ZRANB3: variants seen among roughly 807,000 people sequenced by gnomAD.
ZRANB3 encodes the protein DNA annealing helicase and endonuclease ZRANB3.
In ZRANB3, 125 loss-of-function variants were observed where a neutral mutation model predicts 133.8. The ratio of observed to expected loss-of-function variants is 0.93; its 90% CI spans 0.81 to 1.08. ZRANB3 has a LOEUF of 1.08. Among genes scored for constraint, ZRANB3 ranks in the 50% least tolerant of loss-of-function variants. The probability of loss-of-function intolerance (pLI) is 0.00; values close to 1 mark genes in which losing one functional copy is unlikely to be tolerated. For missense variants in ZRANB3, 1,229 were observed against 1,275.5 expected (o/e 0.96, Z 0.56); for synonymous variants, 387 against 432.7 (o/e 0.89, Z 1.31).
At chr2:135,301,071 C>T (rs1337678120) in intron 8 of ZRANB3, among the ~76,000 whole-genome samples, 1 of 152,126 alleles carries the variant, frequency 6.6e-6, no homozygotes, top group Admixed American at 6.6e-5. Context: ...AATGCAGTGG[C>T]ACGATCGTGG....
chr2:135,265,316 G>A (rs1299843076), intron 12 of ZRANB3, among the ~76,000 whole-genome samples: 1 of 151,986 alleles, frequency 6.6e-6, no homozygotes, highest in Non-Finnish European at 1.5e-5. Context: ...TTTGAACTCT[G>A]AATTTTATTC....
intron 6 of ZRANB3, among the ~76,000 whole-genome samples, chr2:135,322,177 G>C (rs1183707144): frequency 6.6e-6 from 1 of 152,050 alleles, no homozygotes; most frequent in Non-Finnish European, 1.5e-5. Flanking sequence ...AAAATCAATT[G>C]ATCACATATA....
At chr2:135,444,547 C>G (rs1689931764) in intron 2 of ZRANB3, among the ~76,000 whole-genome samples, 1 of 151,906 alleles carries the variant, frequency 6.6e-6, no homozygotes, top group African/African-American at 2.4e-5. Context: ...AAATAGGAAC[C>G]CCCCAAAAAA....
intron 2 of ZRANB3, among the ~76,000 whole-genome samples, chr2:135,442,077 A>G (rs1689805435): frequency 6.6e-6 from 1 of 152,230 alleles, no homozygotes; most frequent in African/African-American, 2.4e-5. Context: ...TATAAGACCT[A>G]AAACCATAAA....
chr2:135,253,440 T>C (rs762740598), intron 12 of ZRANB3, among the ~76,000 whole-genome samples: 6 of 152,144 alleles, frequency 3.9e-5, no homozygotes, highest in Non-Finnish European at 8.8e-5. Flanking sequence ...TGGGAGACTA[T>C]ACTATGCTTT....
chr2:135,342,673 G>T (rs6736613), intron 6 of ZRANB3, among the ~76,000 whole-genome samples: 34,882 of 147,864 alleles, frequency 0.24, 7,660 homozygotes, highest in African/African-American at 0.52. Flanking sequence ...TCCTCTTATT[G>T]TTCTTTTGAG....
At chr2:135,361,103 T>C (rs989170623) in intron 3 of ZRANB3, among the ~76,000 whole-genome samples, 34 of 152,324 alleles carry the variant, frequency 2.2e-4, no homozygotes, top group African/African-American at 4.8e-4. Flanking sequence ...TTGAAAAGAA[T>C]TGAAAACAGC....
At chr2:135,384,862 T>C (rs961974609) in intron 3 of ZRANB3, among the ~76,000 whole-genome samples, 16 of 152,098 alleles carry the variant, frequency 1.1e-4, no homozygotes, top group Admixed American at 7.2e-4. Context: ...TAAGAGCTAT[T>C]TATGACAAAC....
chr2:135,529,497 TTTTTTG>T (rs1045991792), intron 1 of ZRANB3, among the ~76,000 whole-genome samples: 6 of 151,910 alleles, frequency 3.9e-5, no homozygotes, highest in African/African-American at 9.6e-5. Flanking sequence ...TAGTCACACG[TTTTTTG>T]TTTTTGTTTT....
At chr2:135,393,116 C>T (rs1260894980) in intron 2 of ZRANB3, among the ~76,000 whole-genome samples, 1 of 152,076 alleles carries the variant, frequency 6.6e-6, no homozygotes, top group Admixed American at 6.6e-5. Context: ...GATCCACCCA[C>T]CTAGGCCTCC....
At chr2:135,334,832 T>A (rs977786638) in intron 6 of ZRANB3, among the ~76,000 whole-genome samples, 6 of 151,990 alleles carry the variant, frequency 3.9e-5, no homozygotes, top group African/African-American at 7.2e-5. Context: ...GAGGCGGAGG[T>A]TGCAGTGTGC....
chr2:135,490,713 TA>T (rs1262088711), intron 2 of ZRANB3, among the ~76,000 whole-genome samples: 34 of 152,280 alleles, frequency 2.2e-4, no homozygotes, highest in African/African-American at 7.7e-4. Context: ...ATGTACTCAA[TA>T]GCCAAAATGT....
chr2:135,372,144 T>A (rs1686208848), intron 3 of ZRANB3, among the ~76,000 whole-genome samples: 1 of 142,370 alleles, frequency 7.0e-6, no homozygotes, highest in Non-Finnish European at 1.5e-5. Flanking sequence ...CCAGCCTGGG[T>A]GACAGAGCAA....
At chr2:135,456,453 A>G (rs1375006828) in intron 2 of ZRANB3, among the ~76,000 whole-genome samples, 4 of 152,246 alleles carry the variant, frequency 2.6e-5, no homozygotes, top group Admixed American at 6.5e-5. Context: ...TATATCCTCA[A>G]TAAGAGTAAG....
intron 15 of ZRANB3, among the ~76,000 whole-genome samples, chr2:135,220,500 C>A (rs972702629): frequency 6.6e-6 from 1 of 151,722 alleles, no homozygotes; most frequent in South Asian, 2.1e-4. Flanking sequence ...GAGTTCGAGA[C>A]GAGCCTGACC....
intron 12 of ZRANB3, among the ~76,000 whole-genome samples, chr2:135,245,090 G>C (rs941726702): frequency 2.6e-5 from 4 of 152,204 alleles, no homozygotes; most frequent in East Asian, 1.9e-4. Context: ...CAAAAGGAGA[G>C]AGCAAGATTA....
intron 9 of ZRANB3, among the ~76,000 whole-genome samples, chr2:135,274,589 G>A (rs1680690954): frequency 6.6e-6 from 1 of 151,440 alleles, no homozygotes; most frequent in Non-Finnish European, 1.5e-5. Context: ...TTTTTTTTTA[G>A]CAACCTTTTT....
chr2:135,459,061 ACTT>A (rs971369088), intron 2 of ZRANB3, among the ~76,000 whole-genome samples: 15 of 152,262 alleles, frequency 9.9e-5, no homozygotes, highest in African/African-American at 3.4e-4. Flanking sequence ...CCGTCATGAT[ACTT>A]CTTATCACCT....
At chr2:135,438,888 G>A (rs1217527153) in intron 2 of ZRANB3, among the ~76,000 whole-genome samples, 2 of 152,134 alleles carry the variant, frequency 1.3e-5, no homozygotes, top group Admixed American at 6.6e-5. Context: ...AAAAAGATGA[G>A]ACTGATTTTG....
Sources: allele counts gnomAD v4.1 joint callset (sites outside exome capture counted in the v4.1 genomes callset), GRCh38; gene constraint gnomAD v4.1.1; transcripts MANE v1.5; gene names NCBI Gene and HGNC (gene_info 2026-07-23, HGNC 2026-07-21).